CNTNAP2: variants seen among roughly 807,000 people sequenced by gnomAD.
CNTNAP2 encodes contactin associated protein 2.
CNTNAP2 carries 98 observed loss-of-function variants against 155.2 expected under a neutral mutation model. The ratio of observed to expected loss-of-function variants is 0.63; its 90% CI spans 0.54 to 0.75. The LOEUF (loss-of-function observed/expected upper bound fraction) is 0.75, where lower values mean the gene tolerates loss of function less well. Among genes scored for constraint, CNTNAP2 ranks in the 30% least tolerant of loss-of-function variants. CNTNAP2 has a pLI of 0.00. For missense variants in CNTNAP2, 1,727 were observed against 1,688.1 expected, an observed-to-expected ratio of 1.02 and a Z score of -0.40; for synonymous variants, 651 against 631.2, an observed-to-expected ratio of 1.03 and a Z score of -0.47.
chr7:147,205,041 C>T (rs1331983692), intron 8 of CNTNAP2, among the ~76,000 whole-genome samples: 2 of 151,956 alleles, frequency 1.3e-5, no homozygotes, highest in Non-Finnish European at 2.9e-5. Context: ...CTTTGTAGTA[C>T]ACTATGAAGT....
chr7:148,362,169 T>A, intron 21 of CNTNAP2, among the ~76,000 whole-genome samples: 1 of 150,712 alleles, frequency 6.6e-6, no homozygotes, highest in Non-Finnish European at 1.5e-5. Flanking sequence ...AGATTGACTC[T>A]AGCCTGGGCA....
At chr7:146,619,521 T>C (rs1434737348) in intron 1 of CNTNAP2, among the ~76,000 whole-genome samples, 1 of 152,192 alleles carries the variant, frequency 6.6e-6, no homozygotes, top group Non-Finnish European at 1.5e-5. Context: ...GCAATTCTAT[T>C]ATGTTATAAA....
At chr7:148,176,700 G>A (rs1333513968) in intron 18 of CNTNAP2, among the ~76,000 whole-genome samples, 2 of 152,120 alleles carry the variant, frequency 1.3e-5, no homozygotes, top group South Asian at 2.1e-4. Flanking sequence ...CTCATCTGTC[G>A]GCAGATAACT....
chr7:146,379,524 C>T (rs1249077763), intron 1 of CNTNAP2, among the ~76,000 whole-genome samples: 4 of 152,148 alleles, frequency 2.6e-5, no homozygotes, highest in African/African-American at 9.7e-5. Flanking sequence ...GCAACTTCTT[C>T]CCTATTCCAT....
intron 12 of CNTNAP2, among the ~76,000 whole-genome samples, chr7:147,631,835 G>A (rs1795090948): frequency 6.6e-6 from 1 of 152,100 alleles, no homozygotes; most frequent in South Asian, 2.1e-4. Context: ...ATCAACTCAA[G>A]ATTGATCAAA....
At chr7:146,933,781 G>C (rs549523593) in intron 3 of CNTNAP2, among the ~76,000 whole-genome samples, 1,535 of 152,036 alleles carry the variant, frequency 0.01, 23 homozygotes, top group African/African-American at 0.035. Context: ...GTGGGCAAAG[G>C]ACATGAACAG....
intron 8 of CNTNAP2, chr7:147,146,270 C>T: frequency 6.4e-6 from 1 of 155,426 alleles, no homozygotes; most frequent in South Asian, 2.0e-4. Flanking sequence ...TCTCAGTCTG[C>T]CATGCCCTGC....
At chr7:147,874,621 G>C (rs1011552606) in intron 13 of CNTNAP2, among the ~76,000 whole-genome samples, 1 of 152,220 alleles carries the variant, frequency 6.6e-6, no homozygotes, top group East Asian at 1.9e-4. Flanking sequence ...TGCCATGAAG[G>C]TTTCTGATAT....
rs752142 is a variant in CNTNAP2 at position 147,400,693 on chromosome 7, T to C, written c.1670+4913T>C. Among the ~76,000 whole-genome samples the C allele has an allele frequency of 6.7e-3, 1,017 of 152,284 alleles. 11 individuals carry two copies. Among genetic ancestry groups the C allele is most frequent in the African/African-American group, 0.023 (955 of 41,566 alleles). On this transcript the variant is annotated intron_variant, in intron 10 of 23. Transcript: ENST00000361727. ...TGCTAAGAGCTAAGCAGAAGTTAGC[T>C]GTGGTGTTCTTGGGAAAGCTTTTGT...
intron 2 of CNTNAP2, among the ~76,000 whole-genome samples, chr7:146,837,484 T>A (rs1458294543): frequency 6.6e-6 from 1 of 152,186 alleles, no homozygotes; most frequent in East Asian, 1.9e-4. Flanking sequence ...ATAATAGAAT[T>A]AATAATTACT....
At chr7:148,380,528 G>A (rs1006110515) in intron 21 of CNTNAP2, among the ~76,000 whole-genome samples, 6 of 152,092 alleles carry the variant, frequency 3.9e-5, no homozygotes, top group Admixed American at 1.3e-4. Flanking sequence ...TCACTCTACC[G>A]TTTCTATGGG....
intron 1 of CNTNAP2, among the ~76,000 whole-genome samples, chr7:146,550,064 C>G (rs1353957686): frequency 2.6e-5 from 4 of 152,056 alleles, no homozygotes; most frequent in Non-Finnish European, 4.4e-5. Context: ...AAAGCAATCA[C>G]TTCCAGGTTT....
At chr7:147,050,045 T>C (rs1010340894) in intron 4 of CNTNAP2, among the ~76,000 whole-genome samples, 2 of 152,234 alleles carry the variant, frequency 1.3e-5, no homozygotes, top group African/African-American at 4.8e-5. Flanking sequence ...TCAATAAATC[T>C]AAACTCATTT....
At chr7:146,413,033 T>C (rs1473718332) in intron 1 of CNTNAP2, among the ~76,000 whole-genome samples, 3 of 152,166 alleles carry the variant, frequency 2.0e-5, no homozygotes, top group East Asian at 3.9e-4. Context: ...AATCAGGCTA[T>C]TACAGTTACA....
At chr7:146,940,830 TAGAGAGAAAG>T (rs930791907) in intron 3 of CNTNAP2, among the ~76,000 whole-genome samples, 26 of 151,528 alleles carry the variant, frequency 1.7e-4, no homozygotes, top group South Asian at 1.5e-3. Context: ...TATATACATA[TAGAGAGAAAG>T]AGAGAGAAAG....
chr7:148,090,368 A>T (rs1466416502), intron 15 of CNTNAP2, among the ~76,000 whole-genome samples: 2 of 152,128 alleles, frequency 1.3e-5, no homozygotes. Context: ...CTGATAAGGG[A>T]TTAGTGTCCA....
chr7:146,609,579 A>C lies in CNTNAP2; in HGVS notation c.98-164692A>C, dbSNP rs574891563. ...AGCTTTTTGAAGGTCTTGGTACATG[A>C]ATTTTTATCATATACCTAAAAACAC... On this transcript the variant is annotated intron_variant, in intron 1 of 23. Coordinates refer to ENST00000361727, the MANE Select transcript of CNTNAP2 (RefSeq NM_014141.6). Among the ~76,000 whole-genome samples the C allele has an allele frequency of 2.0e-5, 3 of 152,304 alleles. No homozygotes were observed. In the South Asian group the frequency reaches 6.2e-4, roughly 32 times the overall value.
intron 9 of CNTNAP2, among the ~76,000 whole-genome samples, chr7:147,354,536 T>C (rs1170818848): frequency 6.6e-6 from 1 of 152,160 alleles, no homozygotes; most frequent in African/African-American, 2.4e-5. Flanking sequence ...TTGATTACTG[T>C]AGCCTTGTAG....
At chr7:147,806,496 A>C (rs1334043030) in intron 13 of CNTNAP2, among the ~76,000 whole-genome samples, 1 of 152,170 alleles carries the variant, frequency 6.6e-6, no homozygotes, top group Non-Finnish European at 1.5e-5. Flanking sequence ...CCCACTGCTG[A>C]ATATATATAA....
Sources: allele counts gnomAD v4.1 joint callset (sites outside exome capture counted in the v4.1 genomes callset), GRCh38; gene constraint gnomAD v4.1.1; transcripts MANE v1.5; gene names NCBI Gene and HGNC (gene_info 2026-07-23, HGNC 2026-07-21).